The following PCLO variants were observed in gnomAD, a reference collection of about 807,000 sequenced individuals.
PCLO encodes the protein protein piccolo.
In PCLO, 82 loss-of-function variants were observed where a neutral mutation model predicts 427.5. The ratio of observed to expected loss-of-function variants is 0.19; its 90% CI spans 0.16 to 0.23. The LOEUF (loss-of-function observed/expected upper bound fraction) is 0.23. Among genes scored for constraint, PCLO ranks in the 10% least tolerant of loss-of-function variants. The pLI is 1.00. For synonymous variants in PCLO, 2,357 were observed against 2,155.4 expected (o/e 1.09, Z -2.59); for missense variants, 6,239 against 6,115.9 (o/e 1.02, Z -0.67).
At chr7:82,926,990 G>T (rs550944957) in intron 6 of PCLO, among the ~76,000 whole-genome samples, 1 of 152,078 alleles carries the variant, frequency 6.6e-6, no homozygotes. Context: ...TGTTCATATG[G>T]TTCCTGAATA....
chr7:82,995,857 G>T (rs915932277), intron 3 of PCLO, among the ~76,000 whole-genome samples: 1 of 151,678 alleles, frequency 6.6e-6, no homozygotes, highest in Non-Finnish European at 1.5e-5. Context: ...TTACATGAGG[G>T]TTTCTTAATG....
chr7:82,772,072 C>G (rs1790658656), intron 22 of PCLO, among the ~76,000 whole-genome samples: 1 of 152,056 alleles, frequency 6.6e-6, no homozygotes, highest in Admixed American at 6.6e-5. Context: ...AAAGAACTGT[C>G]CCTTATTTAT....
Position 82,953,722 on chromosome 7 carries a change from G to A in PCLO, c.7231C>T (p.Pro2411Ser), listed in dbSNP as rs1238126985. Residue 2411 changes from proline to serine, a missense_variant, in exon 5 of 25, where the codon CCT (proline) becomes TCT (serine). Around this residue, in one of 5 missense-constraint regions of PCLO, gnomAD observed 4,677 missense variants for 4,468.4 expected, o/e 1.05. Transcript: ENST00000333891. ...GGTGGAGGAGGAGGAGGAGGGGGAG[G>A]GGGAGGAGGGGGAGGAGGTTGAGCT... ...ISAQPPPPPPPPPPPPPPPPP... is the reference protein window; with the variant it reads ...ISAQPPPPPPSPPPPPPPPPP... 3.3e-6 allele frequency: 4 copies of A among 1,201,100 alleles called. No homozygotes were observed. Among genetic ancestry groups the A allele is most frequent in the East Asian group, 3.0e-5 (1 of 32,994 alleles). The allele number at this position is 1,201,100 out of a possible 1,614,324, so 74.4% of individuals were successfully genotyped here. A position where few individuals can be genotyped will look rare whatever the true frequency, so the allele number is the denominator to read the frequency against.
At chr7:83,101,283 T>G (rs970735206) in intron 3 of PCLO, among the ~76,000 whole-genome samples, 4 of 125,672 alleles carry the variant, frequency 3.2e-5, no homozygotes, top group Non-Finnish European at 6.7e-5. Context: ...AAATAATTTT[T>G]ACAGTAAAGA....
chr7:82,813,190 G>C (rs1231626655), intron 20 of PCLO, among the ~76,000 whole-genome samples: 1 of 151,692 alleles, frequency 6.6e-6, no homozygotes, highest in Non-Finnish European at 1.5e-5. Context: ...ACGAAGTAAA[G>C]AGGAAGTTTG....
At chr7:82,762,729 A>AT (rs1189365304) in intron 22 of PCLO, among the ~76,000 whole-genome samples, 2 of 152,036 alleles carry the variant, frequency 1.3e-5, no homozygotes, top group Non-Finnish European at 2.9e-5. Flanking sequence ...ACTGTTTTAT[A>AT]TTTTTTCAAA....
At chr7:82,871,012 C>A (rs13241689) in intron 10 of PCLO, among the ~76,000 whole-genome samples, 54,317 of 151,598 alleles carry the variant, frequency 0.36, 9,987 homozygotes, top group East Asian at 0.45. Context: ...TGTTTGTGGC[C>A]ATGTAAATTA....
At chr7:82,899,852 C>A (rs74970569) in intron 9 of PCLO, among the ~76,000 whole-genome samples, 1 of 151,166 alleles carries the variant, frequency 6.6e-6, no homozygotes, top group African/African-American at 2.4e-5. Context: ...CTTAATATAG[C>A]GTAAAATAAT....
rs970707175 is a variant in PCLO, at chr7:82,754,316, T to C, written c.*4259A>G. On this transcript the variant is annotated 3_prime_UTR_variant, in exon 25 of 25. Coordinates refer to ENST00000333891, the MANE Select transcript of PCLO (RefSeq NM_033026.6). ...AATCACCAACATGGCATGCAACATA[T>C]AGTTAGAAACAAGACATATCTTCAA... 1 of 152,124 alleles carries C rather than the reference T, an allele frequency of 6.6e-6. No individual in the cohort carries two copies. Among genetic ancestry groups the C allele is most frequent in the African/African-American group, 2.4e-5 (1 of 41,448 alleles). 9.4% of individuals were successfully genotyped at this position (152,124 alleles called of 1,614,324 possible).
At chr7:82,975,152 C>T (rs551947376) in intron 3 of PCLO, among the ~76,000 whole-genome samples, 1 of 152,172 alleles carries the variant, frequency 6.6e-6, no homozygotes, top group Non-Finnish European at 1.5e-5. Flanking sequence ...AAAACTTAGA[C>T]TTAAGCCTAA....
At chr7:82,941,957 T>C (rs373221441) in intron 6 of PCLO, among the ~76,000 whole-genome samples, 1 of 152,140 alleles carries the variant, frequency 6.6e-6, no homozygotes, top group Admixed American at 6.5e-5. Context: ...GACTGAAGGA[T>C]CACTTGAGGT....
At chr7:83,082,278 T>C (rs1214312251) in intron 3 of PCLO, among the ~76,000 whole-genome samples, 2 of 151,666 alleles carry the variant, frequency 1.3e-5, no homozygotes, top group Non-Finnish European at 1.5e-5. Flanking sequence ...TTTATAGATG[T>C]TTCATACATA....
At chr7:82,891,338 A>T (rs2116120756) in intron 9 of PCLO, among the ~76,000 whole-genome samples, 1 of 152,170 alleles carries the variant, frequency 6.6e-6, no homozygotes, top group South Asian at 2.1e-4. Context: ...GAGAGGTAAG[A>T]ATTCTGTTGG....
chr7:83,048,986 G>T (rs1789169193), intron 3 of PCLO, among the ~76,000 whole-genome samples: 1 of 152,064 alleles, frequency 6.6e-6, no homozygotes, highest in Non-Finnish European at 1.5e-5. Context: ...GAAGTTATTA[G>T]AACAGATTGC....
chr7:82,923,761 G>GA (rs139047240), intron 6 of PCLO, among the ~76,000 whole-genome samples: 1 of 152,204 alleles, frequency 6.6e-6, no homozygotes, highest in East Asian at 1.9e-4. Context: ...CATAAGGATG[G>GA]AAAGTAGTAA....
At chr7:83,054,052 T>G (rs1463528016) in intron 3 of PCLO, among the ~76,000 whole-genome samples, 1 of 151,960 alleles carries the variant, frequency 6.6e-6, no homozygotes, top group African/African-American at 2.4e-5. Flanking sequence ...ATAGCCAGAA[T>G]AACCACCATG....
At chr7:83,095,247 T>C (rs1336179146) in intron 3 of PCLO, among the ~76,000 whole-genome samples, 1 of 152,120 alleles carries the variant, frequency 6.6e-6, no homozygotes, top group African/African-American at 2.4e-5. Context: ...GCATGTATAG[T>C]TGTTTGTAGC....
At chr7:82,969,458 T>C (rs1259650220) in intron 3 of PCLO, among the ~76,000 whole-genome samples, 2 of 152,252 alleles carry the variant, frequency 1.3e-5, no homozygotes, top group South Asian at 2.1e-4. Context: ...CAGTTAAACC[T>C]AGCATTTTAA....
At chr7:83,020,647 T>C (rs1285626170) in intron 3 of PCLO, among the ~76,000 whole-genome samples, 1 of 152,138 alleles carries the variant, frequency 6.6e-6, no homozygotes, top group African/African-American at 2.4e-5. Flanking sequence ...TCCTGACCTA[T>C]AAGAATAAAC....
Sources: allele counts gnomAD v4.1 joint callset (sites outside exome capture counted in the v4.1 genomes callset), GRCh38; gene constraint gnomAD v4.1.1; regional missense constraint gnomAD v4.1.1; transcripts MANE v1.5; gene names NCBI Gene and HGNC (gene_info 2026-07-23, HGNC 2026-07-21).